The following NDUFA10 variants were observed in gnomAD, a reference collection of about 807,000 sequenced individuals.
NDUFA10 encodes NADH dehydrogenase [ubiquinone] 1 alpha subcomplex subunit 10, mitochondrial.
Under a neutral mutation model 47.8 loss-of-function variants are expected in NDUFA10, and 40 were observed. The observed-to-expected ratio is 0.84, with a 90% CI of 0.65 to 1.09. The LOEUF (loss-of-function observed/expected upper bound fraction) is 1.09, where lower values mean the gene tolerates loss of function less well. Among genes scored for constraint, NDUFA10 ranks in the 50% least tolerant of loss-of-function variants. NDUFA10 has a pLI of 0.00. For synonymous variants in NDUFA10, 183 were observed against 172.2 expected, an observed-to-expected ratio of 1.06 and a Z score of -0.49; for missense variants, 413 against 451.1, an observed-to-expected ratio of 0.92 and a Z score of 0.76.
In NDUFA10 at chr2:239,941,355, C is replaced by T. The variant is rs538955241; in HGVS notation, c.295-46041G>A. Among the ~76,000 whole-genome samples the T allele has an allele frequency of 4.6e-5, 7 of 152,266 alleles. 1 individual carries two copies. The South Asian group carries it at 1.5e-3, about 32-fold the overall frequency. On this transcript the variant is annotated intron_variant, in intron 4 of 5. Coordinates refer to the NDUFA10 transcript ENST00000419408. ...AACAGGGACAGACACTTCCCACGCC[C>T]GATGATGTGAATGCACCGGGGGCAC...
At chr2:239,999,848 C>T (rs1696633585) in intron 8 of NDUFA10, among the ~76,000 whole-genome samples, 1 of 152,234 alleles carries the variant, frequency 6.6e-6, no homozygotes, top group Admixed American at 6.5e-5. Flanking sequence ...GTTGTTTGTA[C>T]CATGTGACAG....
chr2:239,983,453 T>C, intron 9 of NDUFA10: 1 of 1,520,546 alleles, frequency 6.6e-7, no homozygotes, highest in Admixed American at 2.1e-5. Context: ...AACTGATCAT[T>C]TTTTAATATC....
intron 9 of NDUFA10, among the ~76,000 whole-genome samples, chr2:239,963,292 C>T (rs1694928707): frequency 6.6e-6 from 1 of 152,218 alleles, no homozygotes; most frequent in African/African-American, 2.4e-5. Flanking sequence ...GCGCAGGCAG[C>T]TAGTCTGGCA....
intron 4 of NDUFA10, among the ~76,000 whole-genome samples, chr2:239,932,204 C>T (rs968215983): frequency 2.6e-5 from 4 of 151,978 alleles, no homozygotes; most frequent in Non-Finnish European, 4.4e-5. Context: ...TTATATTTTG[C>T]GAAAAAATGG....
Position 239,929,313 on chromosome 2 carries a change from C to T in NDUFA10, c.295-33999G>A, listed in dbSNP as rs79555753. Among the ~76,000 whole-genome samples the T allele has an allele frequency of 2.3e-3, 346 of 152,276 alleles. 1 individual carries two copies. The highest frequency in any genetic ancestry group is 7.8e-3 in the African/African-American group (326 of 41,560). ...CGGGCAGAGACGCAGACACCGATGA[C>T]TGAGTTGTCGAAGGTGGTTGAGAAT... On this transcript the variant is annotated intron_variant, in intron 4 of 5. Transcript: ENST00000419408.
At position 240,019,750 on chromosome 2, in the gene NDUFA10, C is replaced by T. The variant is rs1233380329; in HGVS notation, c.461-1111G>A. On this transcript the variant is annotated intron_variant, in intron 3 of 9. Coordinates refer to ENST00000252711, the MANE Select transcript of NDUFA10 (RefSeq NM_004544.4). Reference sequence around the variant, plus strand: ...AGGAGAATGGCATGAACCCGGGAGGCGGAGCTTGCAGTGAGCCGAGATCCC... The same window carrying T: ...AGGAGAATGGCATGAACCCGGGAGGTGGAGCTTGCAGTGAGCCGAGATCCC... Among the ~76,000 whole-genome samples the T allele has an allele frequency of 1.0e-4, 3 of 29,038 alleles. 1 individual carries two copies. Among genetic ancestry groups the T allele is most frequent in the African/African-American group, 2.5e-4 (2 of 7,896 alleles). The allele number at this position is 29,038 out of a possible 152,430, so 19.1% of individuals were successfully genotyped here.
At chr2:239,935,155 G>A (rs182669802) in intron 4 of NDUFA10, among the ~76,000 whole-genome samples, 13 of 152,318 alleles carry the variant, frequency 8.5e-5, no homozygotes, top group African/African-American at 3.1e-4. Flanking sequence ...AAAATTGAAC[G>A]GGGTGCCTCC....
downstream of NDUFA10, among the ~76,000 whole-genome samples, chr2:239,952,423 C>T (rs1288863375): frequency 1.3e-5 from 2 of 152,178 alleles, no homozygotes; most frequent in Non-Finnish European, 2.9e-5. Context: ...CCCCACTGGC[C>T]GGCAGGGCCC....
At position 239,957,788 on chromosome 2, in the gene NDUFA10, T is replaced by C. The variant is rs1253753861; in HGVS notation, c.*3330A>G. On this transcript the variant is annotated 3_prime_UTR_variant, in exon 10 of 10. Transcript: ENST00000252711. ...GCTCCCCGGCCTCCTGGAATTCAGG[T>C]GGCAATGTCCAACATCCAAACTCAC... is the stretch of plus-strand genomic sequence containing the variant. 1 of 152,164 alleles carries C rather than the reference T, an allele frequency of 6.6e-6. No individual in the cohort carries two copies. Among genetic ancestry groups the C allele is most frequent in the Non-Finnish European group, 1.5e-5 (1 of 68,050 alleles). 9.4% of individuals were successfully genotyped at this position (152,164 alleles called of 1,614,324 possible).
intron 4 of NDUFA10, among the ~76,000 whole-genome samples, chr2:239,940,483 A>G (rs968893055): frequency 2.0e-5 from 3 of 152,364 alleles, no homozygotes; most frequent in East Asian, 1.9e-4. Flanking sequence ...ATTGATGAAC[A>G]TCAGTAATGC....
chr2:239,985,527 T>C (rs189725617), intron 9 of NDUFA10, among the ~76,000 whole-genome samples: 4 of 149,594 alleles, frequency 2.7e-5, no homozygotes, highest in African/African-American at 4.9e-5. Flanking sequence ...ACGAAGAATA[T>C]GGTGCATGGT....
chr2:240,017,777 G>T, intron 4 of NDUFA10: 1 of 1,506,212 alleles, frequency 6.6e-7, no homozygotes, highest in Non-Finnish European at 9.0e-7. Context: ...GGACACACAA[G>T]CAGCCAGAAG....
At chr2:239,963,805 G>T in intron 9 of NDUFA10, among the ~76,000 whole-genome samples, 1 of 152,218 alleles carries the variant, frequency 6.6e-6, no homozygotes, top group Non-Finnish European at 1.5e-5. Flanking sequence ...AGAGGCCAAA[G>T]AGCAGCACTG....
intron 5 of NDUFA10, 23 bp downstream of exon 5, chr2:240,014,716 C>T (rs757080099): frequency 5.0e-6 from 8 of 1,613,986 alleles, no homozygotes; most frequent in Middle Eastern, 1.6e-4. Context: ...AGATGCTTGG[C>T]CTTTGATTGA....
At chr2:239,936,459 T>C (rs902072390) in intron 4 of NDUFA10, among the ~76,000 whole-genome samples, 2 of 152,164 alleles carry the variant, frequency 1.3e-5, no homozygotes, top group African/African-American at 4.8e-5. Flanking sequence ...ATGCGTTTGC[T>C]GAAACCCATA....
At chr2:239,918,388 G>A (rs1013188279) in intron 4 of NDUFA10, among the ~76,000 whole-genome samples, 7 of 152,130 alleles carry the variant, frequency 4.6e-5, no homozygotes, top group Non-Finnish European at 8.8e-5. Flanking sequence ...CCTTGAACCC[G>A]AGGCCTCCTC....
At chr2:240,015,473 A>C (rs1697310195) in intron 4 of NDUFA10, among the ~76,000 whole-genome samples, 1 of 152,284 alleles carries the variant, frequency 6.6e-6, no homozygotes, top group African/African-American at 2.4e-5. Context: ...AACTCAGCTG[A>C]AAATCATCAA....
At chr2:240,000,314 G>A (rs1205577865) in intron 8 of NDUFA10, among the ~76,000 whole-genome samples, 1 of 152,184 alleles carries the variant, frequency 6.6e-6, no homozygotes, top group East Asian at 1.9e-4. Flanking sequence ...AGTGAGAAAG[G>A]TGTGGAGGTG....
chr2:239,918,413 G>A (rs1418000275), intron 4 of NDUFA10, among the ~76,000 whole-genome samples: 12 of 151,860 alleles, frequency 7.9e-5, no homozygotes, highest in East Asian at 1.9e-4. Flanking sequence ...GCCCCCGCAC[G>A]CCAGGCCTGA....
Sources: gnomAD v4.1 joint callset for allele counts (sites outside exome capture counted in the v4.1 genomes callset) on GRCh38, gnomAD v4.1.1 for gene constraint, MANE v1.5 for transcripts, NCBI Gene and HGNC (gene_info 2026-07-23, HGNC 2026-07-21) for gene names.